The following RELB variants were observed in gnomAD, a reference collection of about 807,000 sequenced individuals.
RELB encodes the protein transcription factor RelB.
In RELB, 14 loss-of-function variants were observed where a neutral mutation model predicts 55.4. The observed-to-expected ratio is 0.25, with a 90% CI of 0.17 to 0.40. The LOEUF is 0.40. Ranked by LOEUF, RELB falls within the 10% of genes least tolerant of loss-of-function variation. The pLI is 1.00. For missense variants in RELB, 669 were observed against 830.7 expected (o/e 0.81, Z 2.39); for synonymous variants, 409 against 371.3 (o/e 1.10, Z -1.17).
chr19:45,037,670 G>C lies in RELB; in HGVS notation c.1620G>C (p.Gln540His). The C allele has an allele frequency of 3.2e-6, 5 of 1,570,112 alleles. No individual in the cohort carries two copies. Among genetic ancestry groups the C allele is most frequent in the Non-Finnish European group, 4.3e-6 (5 of 1,161,918 alleles). The change falls in exon 12 of 12, where the codon CAG (glutamine) becomes CAC (histidine). Residue 540 changes from glutamine (Q) to histidine (H), a missense_variant. Gln to His is a conservative substitution (Grantham distance 24, BLOSUM62 0). This residue lies in a region of RELB where 341 missense variants were observed against 436.8 expected (regional missense o/e 0.78). Coordinates refer to ENST00000221452, the MANE Select transcript of RELB (RefSeq NM_006509.4). ...GPEPLTLDSYQAPGPGDGGTA... is the reference protein window; with the variant it reads ...GPEPLTLDSYHAPGPGDGGTA... ...AACCACTGACACTGGACTCGTACCA[G>C]GCCCCGGGCCCCGGGGATGGAGGCA...
intron 4 of RELB, among the ~76,000 whole-genome samples, chr19:45,013,559 G>A (rs1429704800): frequency 2.6e-5 from 4 of 152,034 alleles, no homozygotes; most frequent in African/African-American, 7.2e-5. Context: ...GAAGCTGGTC[G>A]TGGTGGCTCA....
chr19:45,037,935 G>GT lies in RELB; in HGVS notation c.*147dup, dbSNP rs904408584. 2.6e-6 allele frequency: 2 copies of GT among 760,316 alleles called. No homozygotes were observed. Among genetic ancestry groups the GT allele is most frequent in the African/African-American group, 3.7e-5 (2 of 54,464 alleles). 47.1% of individuals were successfully genotyped at this position (760,316 alleles called of 1,614,324 possible). On this transcript the variant is annotated 3_prime_UTR_variant, in exon 12 of 12. Coordinates refer to ENST00000221452, the MANE Select transcript of RELB (RefSeq NM_006509.4). ...ATATTCAGCCTTGGCGAGAAGCTCCGTTGCACGGGTTTCCCCTTGAGCCCA... is the reference window on the plus strand; with the variant it reads ...ATATTCAGCCTTGGCGAGAAGCTCCGTTTGCACGGGTTTCCCCTTGAGCCCA...
chr19:45,035,079 TG>T (rs1206436728), intron 11 of RELB, among the ~76,000 whole-genome samples: 4 of 151,712 alleles, frequency 2.6e-5, no homozygotes, highest in Non-Finnish European at 1.5e-5. Context: ...TGACCTCAGG[TG>T]ATCTGCTTGC....
chr19:45,003,737 A>G (rs774098553), intron 2 of RELB, among the ~76,000 whole-genome samples: 3 of 151,704 alleles, frequency 2.0e-5, no homozygotes, highest in African/African-American at 7.3e-5. Flanking sequence ...AATTGAGAGT[A>G]TTCAATGAAT....
rs773364554 is a variant in RELB at position 45,037,488 on chromosome 19, G to A, written c.1438G>A (p.Gly480Ser). ...GTCCCTGCCCGGCCTGGAGCCCCCT[G>A]GCGGGCCTGACCTCCTGGACGATGG... ...TVSLPGLEPP[G>S]GPDLLDDGFA... is the part of the protein sequence containing the mutation. Residue 480 changes from glycine to serine, a missense_variant, in exon 12 of 12, where the codon GGC (glycine) becomes AGC (serine). By Grantham distance (56) the Gly-to-Ser change is moderately conservative. This residue lies in a region of RELB where 341 missense variants were observed against 436.8 expected (regional missense o/e 0.78). Coordinates refer to ENST00000221452, the MANE Select transcript of RELB (RefSeq NM_006509.4). The A allele has an allele frequency of 6.2e-7, 1 of 1,612,228 alleles. No homozygotes were observed.
At chr19:45,025,769 G>A (rs375630722) in intron 7 of RELB, 32 bp downstream of exon 7, 2 of 1,613,040 alleles carry the variant, frequency 1.2e-6, no homozygotes, top group Non-Finnish European at 1.7e-6. Flanking sequence ...CGTTAGGATT[G>A]CCCTTGGCTG....
At position 45,008,425 on chromosome 19, in the gene RELB, G is replaced by T. The variant is rs552331249; in HGVS notation, c.155-1389G>T. 1.1e-4 allele frequency: 50 copies of T among 456,156 alleles called. 1 individual carries two copies. Among genetic ancestry groups the T allele is most frequent in the South Asian group, 7.3e-4 (47 of 64,566 alleles). The allele number at this position is 456,156 out of a possible 1,614,324, so 28.3% of individuals were successfully genotyped here. A position where few individuals can be genotyped will look rare whatever the true frequency, so the allele number is the denominator to read the frequency against. On this transcript the variant is annotated intron_variant, in intron 2 of 11. Coordinates refer to ENST00000221452, the MANE Select transcript of RELB (RefSeq NM_006509.4). ...CCTACAGCCCGGGAGCCTCTGGAGG[G>T]TCCAAAGTCTAACTCTGTCTTTGGG...
chr19:45,010,578 T>C (rs1971338580), intron 3 of RELB, among the ~76,000 whole-genome samples: 1 of 152,072 alleles, frequency 6.6e-6, no homozygotes. Context: ...TCTGAAGAGA[T>C]AACATACGAG....
chr19:45,025,507 C>A, intron 6 of RELB, 87 bp downstream of exon 6: 1 of 1,559,618 alleles, frequency 6.4e-7, no homozygotes. Context: ...CCACTCCAGG[C>A]CCCACCGTCT....
chr19:45,033,988 C>T (rs1971656817), intron 9 of RELB, among the ~76,000 whole-genome samples: 1 of 151,768 alleles, frequency 6.6e-6, no homozygotes, highest in Admixed American at 6.6e-5. Context: ...GAAATCCCAT[C>T]TCTACTAAAA....
rs748518205 is a variant in RELB at position 45,028,942 on chromosome 19, C to T, written c.941C>T (p.Pro314Leu). Reference sequence around the variant, plus strand: ...TGCCGAATTAACAAGGAAAGCGGGCCGTGCACCGGTGGCGAGGAGCTCTAC... The same window carrying T: ...TGCCGAATTAACAAGGAAAGCGGGCTGTGCACCGGTGGCGAGGAGCTCTAC... ...RICRINKESG[P>L]CTGGEELYLL... The change falls in exon 8 of 12, where the codon CCG (proline) becomes CTG (leucine). Residue 314 changes from proline to leucine, a missense_variant. Transcript: ENST00000221452. 11 of 1,599,242 alleles carry T rather than the reference C, an allele frequency of 6.9e-6. No individual in the cohort carries two copies. Among genetic ancestry groups the T allele is most frequent in the African/African-American group, 1.3e-5 (1 of 74,584 alleles).
intron 2 of RELB, among the ~76,000 whole-genome samples, chr19:45,003,906 GTTTTTTGTGTTTTT>G (rs1334097849): frequency 4.8e-4 from 30 of 62,534 alleles, no homozygotes; most frequent in African/African-American, 1.5e-3. Flanking sequence ...TTTTTTGTCT[GTTTTTTGTGTTTTT>G]TTTTTTTTTT....
intron 11 of RELB, among the ~76,000 whole-genome samples, chr19:45,037,019 C>T (rs2122501226): frequency 6.6e-6 from 1 of 152,232 alleles, no homozygotes; most frequent in East Asian, 1.9e-4. Flanking sequence ...TGGCTCACAC[C>T]TGTAATCCCA....
At chr19:45,021,257 AGG>A (rs1055324776) in intron 4 of RELB, among the ~76,000 whole-genome samples, 48 of 152,000 alleles carry the variant, frequency 3.2e-4, no homozygotes, top group African/African-American at 1.1e-3. Flanking sequence ...GCGGATCACG[AGG>A]TCAGGAGATC....
At chr19:45,011,795 TGTGAGAGAGAGAGAGAGAGA>T (rs1159684598) in intron 3 of RELB, 121 bp from the exon 4 acceptor site, 49 of 199,870 alleles carry the variant, frequency 2.5e-4, no homozygotes, top group African/African-American at 1.6e-3. Context: ...TGTGTGTGTG[TGTGAGAGAGAGAGAGAGAGA>T]GAGAGAGAGA....
chr19:45,008,662 G>T (rs976706981), intron 2 of RELB: 2 of 398,534 alleles, frequency 5.0e-6, no homozygotes, highest in African/African-American at 2.1e-5. Context: ...AGGGGCAAAG[G>T]TCTGGCTGCC....
chr19:45,025,516 C>G (rs980836825), intron 6 of RELB, 90 bp from the exon 7 acceptor site: 75 of 1,573,306 alleles, frequency 4.8e-5, no homozygotes, highest in Non-Finnish European at 5.7e-5. Context: ...GCCCCACCGT[C>G]TCCTCCAGCC....
rs753171076 is a variant in RELB at position 45,012,035 on chromosome 19, C to T, written c.263C>T (p.Ala88Val). The T allele has an allele frequency of 1.1e-5, 17 of 1,567,870 alleles. No homozygotes were observed. The highest frequency in any genetic ancestry group is 1.9e-5 in the Admixed American group (1 of 53,264). The change falls in exon 4 of 12, where the codon GCG (alanine) becomes GTG (valine). Residue 88 changes from alanine to valine, a missense_variant. By Grantham distance (64) the Ala-to-Val change is moderately conservative. This residue lies in a region of RELB where 323 missense variants were observed against 368.5 expected (regional missense o/e 0.88). Coordinates refer to ENST00000221452, the MANE Select transcript of RELB (RefSeq NM_006509.4). ...CCACGCCTGGTGTCTCGCGGGGCTG[C>T]GTCCCTGAGCACGGTCACCCTGGGC... ...GLPRLVSRGA[A>V]SLSTVTLGPV...
At chr19:45,013,188 C>A (rs1457995857) in intron 4 of RELB, among the ~76,000 whole-genome samples, 2 of 152,080 alleles carry the variant, frequency 1.3e-5, no homozygotes, top group African/African-American at 4.8e-5. Context: ...GTTGCCCAGG[C>A]TGGAGTGCAG....
Sources: gnomAD v4.1 joint callset for allele counts (sites outside exome capture counted in the v4.1 genomes callset) on GRCh38, gnomAD v4.1.1 for gene constraint, gnomAD v4.1.1 regional missense constraint, MANE v1.5 for transcripts, NCBI Gene and HGNC (gene_info 2026-07-23, HGNC 2026-07-21) for gene names.